The following NEK11 variants were observed in gnomAD, a reference collection of about 807,000 sequenced individuals.
The protein encoded by NEK11 is NIMA related kinase 11.
A neutral mutation model predicts 80.7 loss-of-function variants in NEK11; 72 were observed. That is an observed-to-expected ratio of 0.89 (90% CI 0.74 to 1.08). NEK11 has a LOEUF of 1.08. Ranked by LOEUF, NEK11 falls within the 50% of genes least tolerant of loss-of-function variation. The pLI is 0.00. For missense variants in NEK11, 764 were observed against 763.6 expected (o/e 1.00, Z -0.01); for synonymous variants, 251 against 260.7 (o/e 0.96, Z 0.36).
intron 5 of NEK11, among the ~76,000 whole-genome samples, chr3:131,125,153 A>G (rs112856653): frequency 1.3e-5 from 2 of 152,306 alleles, no homozygotes; most frequent in African/African-American, 2.4e-5. Context: ...TCACTATCAT[A>G]TCCAATTCTT....
chr3:131,264,356 T>G (rs1371580613), intron 16 of NEK11, among the ~76,000 whole-genome samples: 1 of 152,262 alleles, frequency 6.6e-6, no homozygotes, highest in Non-Finnish European at 1.5e-5. Flanking sequence ...GTCTAACATT[T>G]AAGTCTTTAA....
At chr3:131,068,426 G>A (rs956919526) in intron 3 of NEK11, among the ~76,000 whole-genome samples, 1 of 152,186 alleles carries the variant, frequency 6.6e-6, no homozygotes, top group African/African-American at 2.4e-5. Context: ...TTGTATTCAA[G>A]TATCACACTT....
At chr3:131,075,716 T>G (rs1465717047) in intron 3 of NEK11, among the ~76,000 whole-genome samples, 1 of 152,204 alleles carries the variant, frequency 6.6e-6, no homozygotes, top group African/African-American at 2.4e-5. Flanking sequence ...CTTTGGAGGT[T>G]TGGCTTTCAT....
chr3:131,149,923 A>T (rs1030793623), intron 7 of NEK11, among the ~76,000 whole-genome samples: 7 of 152,026 alleles, frequency 4.6e-5, no homozygotes, highest in African/African-American at 1.4e-4. Context: ...AAATTGACTT[A>T]TACGGTAGAT....
chr3:131,116,780 A>C (rs1241413137), intron 5 of NEK11, among the ~76,000 whole-genome samples: 1 of 152,142 alleles, frequency 6.6e-6, no homozygotes, highest in Non-Finnish European at 1.5e-5. Flanking sequence ...TCTTCTTTTG[A>C]GAAGTGTCTG....
intron 17 of NEK11, among the ~76,000 whole-genome samples, chr3:131,339,720 C>T (rs1167862071): frequency 6.6e-6 from 1 of 152,170 alleles, no homozygotes; most frequent in Non-Finnish European, 1.5e-5. Flanking sequence ...TAAACAGGAA[C>T]AGGAACAGAT....
intron 14 of NEK11, among the ~76,000 whole-genome samples, chr3:131,198,818 T>C (rs1387983762): frequency 6.6e-6 from 1 of 152,238 alleles, no homozygotes; most frequent in Non-Finnish European, 1.5e-5. Context: ...GCCTCAGGTG[T>C]CCATCTTACT....
intron 3 of NEK11, among the ~76,000 whole-genome samples, chr3:131,056,649 T>TGA (rs34277797): frequency 0.18 from 27,957 of 152,114 alleles, 2,643 homozygotes; most frequent in Non-Finnish European, 0.21. Flanking sequence ...AAACTCCCTG[T>TGA]GTCATATCCC....
intron 3 of NEK11, among the ~76,000 whole-genome samples, chr3:131,039,015 C>G (rs2066050723): frequency 6.6e-6 from 1 of 152,134 alleles, no homozygotes; most frequent in Non-Finnish European, 1.5e-5. Flanking sequence ...ATGCTGATCC[C>G]TTTACATTGT....
Position 131,141,853 on chromosome 3 carries a change from G to A in NEK11, c.647+7897G>A, listed in dbSNP as rs187152565. On this transcript the variant is annotated intron_variant, in intron 7 of 17. Transcript: ENST00000383366. ...CTGAAGGGCGGGCAGGGGTCAGATGGTGAATGACCCATGTAATTATGAAAA... is the reference window on the plus strand; with the variant it reads ...CTGAAGGGCGGGCAGGGGTCAGATGATGAATGACCCATGTAATTATGAAAA... Among the ~76,000 whole-genome samples, 71 of 152,236 alleles carry A rather than the reference G, an allele frequency of 4.7e-4. 2 individuals carry two copies. The highest frequency in any genetic ancestry group is 4.6e-3 in the Admixed American group (71 of 15,278).
chr3:131,128,617 C>A (rs1351679009), intron 5 of NEK11, among the ~76,000 whole-genome samples: 1 of 152,154 alleles, frequency 6.6e-6, no homozygotes, highest in African/African-American at 2.4e-5. Context: ...GCTATAAACA[C>A]CATTGTGCAG....
chr3:131,287,757 C>T (rs1408992499), intron 17 of NEK11, among the ~76,000 whole-genome samples: 1 of 152,196 alleles, frequency 6.6e-6, no homozygotes, highest in Non-Finnish European at 1.5e-5. Context: ...CCACCTTGGT[C>T]TAACTCCAGA....
In NEK11 at chr3:131,349,698, A is replaced by G. The variant is rs2097425866; in HGVS notation, c.1860A>G (p.Glu620=). 17 of 1,614,124 alleles carry G rather than the reference A, an allele frequency of 1.1e-5. No individual in the cohort carries two copies. Among genetic ancestry groups the G allele is most frequent in the Non-Finnish European group, 1.4e-5 (17 of 1,179,950 alleles). ...KVVPQASDCF[E]VDQLLYFEEQ... Reference sequence around the variant, plus strand: ...TGCCTCAAGCCAGCGACTGTTTTGAAGTGGACCAGCTCCTGTACTTTGAAG... The same window carrying G: ...TGCCTCAAGCCAGCGACTGTTTTGAGGTGGACCAGCTCCTGTACTTTGAAG... Residue 620 remains glutamate (E), a synonymous_variant, in exon 18 of 18, where the codon GAA becomes GAG. Transcript: ENST00000383366.
rs1553878443 is a variant in NEK11 at position 131,115,956 on chromosome 3, T to TTCTTTCTTTCTTTCTTTC, written c.455+6037_455+6054dup. Among the ~76,000 whole-genome samples, 120 of 143,770 alleles carry TTCTTTCTTTCTTTCTTTC rather than the reference T, an allele frequency of 8.3e-4. 1 individual carries two copies. Among genetic ancestry groups the TTCTTTCTTTCTTTCTTTC allele is most frequent in the Middle Eastern group, 3.5e-3 (1 of 288 alleles). The allele number at this position is 143,770 out of a possible 152,430, so 94.3% of individuals were successfully genotyped here. The stretch of plus-strand genomic sequence containing the variant: ...TTTCTTTCTTTCTTTCTTTCTTTCT[T>TTCTTTCTTTCTTTCTTTC]TCTTTCTTTCTTTCTTTCTTTCTTT... On this transcript the variant is annotated intron_variant, in intron 5 of 17. Coordinates refer to ENST00000383366, the MANE Select transcript of NEK11 (RefSeq NM_024800.5).
chr3:131,318,121 A>C (rs1473003658), intron 17 of NEK11, among the ~76,000 whole-genome samples: 1 of 152,098 alleles, frequency 6.6e-6, no homozygotes, highest in African/African-American at 2.4e-5. Context: ...GAAGAGGGGA[A>C]AGAGGGAAGT....
intron 14 of NEK11, among the ~76,000 whole-genome samples, chr3:131,188,163 T>C (rs898048539): frequency 2.0e-5 from 3 of 152,188 alleles, no homozygotes; most frequent in African/African-American, 7.2e-5. Context: ...GCCTGGTACA[T>C]AGAAGTGCAT....
At chr3:131,099,138 T>A (rs1438162687) in intron 4 of NEK11, among the ~76,000 whole-genome samples, 1 of 152,210 alleles carries the variant, frequency 6.6e-6, no homozygotes, top group East Asian at 1.9e-4. Flanking sequence ...CAATCTTGAG[T>A]TAATTTTTGT....
intron 7 of NEK11, among the ~76,000 whole-genome samples, chr3:131,135,840 CTT>C (rs1409637383): frequency 1.3e-5 from 2 of 152,008 alleles, no homozygotes; most frequent in African/African-American, 4.8e-5. Context: ...AACCTGGCTC[CTT>C]TTGACAGGCA....
At chr3:131,203,481 A>G (rs1417295847) in intron 14 of NEK11, among the ~76,000 whole-genome samples, 1 of 150,794 alleles carries the variant, frequency 6.6e-6, no homozygotes, top group Non-Finnish European at 1.5e-5. Flanking sequence ...CTAATGTTAA[A>G]TGACAAGTTA....
Sources: gnomAD v4.1 joint callset for allele counts (sites outside exome capture counted in the v4.1 genomes callset) on GRCh38, gnomAD v4.1.1 for gene constraint, MANE v1.5 for transcripts, NCBI Gene and HGNC (gene_info 2026-07-23, HGNC 2026-07-21) for gene names.